The following ZBTB20 variants were observed in gnomAD, a reference collection of about 807,000 sequenced individuals.
The protein encoded by ZBTB20 is zinc finger and BTB domain containing 20.
Under a neutral mutation model 56.9 loss-of-function variants are expected in ZBTB20, and 9 were observed. The observed-to-expected ratio is 0.16, with a 90% CI of 0.10 to 0.28. The LOEUF (loss-of-function observed/expected upper bound fraction) is 0.28. Ranked by LOEUF, ZBTB20 falls within the 10% of genes least tolerant of loss-of-function variation. The pLI, the probability that ZBTB20 is intolerant of heterozygous loss-of-function variation, is 1.00. For synonymous variants in ZBTB20, 417 were observed against 420.7 expected (o/e 0.99, Z 0.11); for missense variants, 655 against 1,003.0 (o/e 0.65, Z 4.69).
chr3:114,410,937 GGAA>G (rs1240930614), intron 7 of ZBTB20, among the ~76,000 whole-genome samples: 1 of 152,036 alleles, frequency 6.6e-6, no homozygotes, highest in Non-Finnish European at 1.5e-5. Context: ...TGGAGGGAAG[GGAA>G]GAAATAAACT....
chr3:114,537,689 A>G (rs1009318305), intron 6 of ZBTB20, among the ~76,000 whole-genome samples: 2 of 152,234 alleles, frequency 1.3e-5, no homozygotes, highest in Non-Finnish European at 2.9e-5. Context: ...ATGCACATGT[A>G]TGTTTATTGC....
intron 6 of ZBTB20, among the ~76,000 whole-genome samples, chr3:114,510,749 A>C (rs551810179): frequency 6.6e-6 from 1 of 152,252 alleles, no homozygotes; most frequent in East Asian, 1.9e-4. Flanking sequence ...TGCAGTGTCC[A>C]TTTGAAGTAG....
chr3:114,530,262 A>G (rs1322561210), intron 6 of ZBTB20, among the ~76,000 whole-genome samples: 1 of 152,192 alleles, frequency 6.6e-6, no homozygotes, highest in Non-Finnish European at 1.5e-5. Flanking sequence ...AAAGGCATAC[A>G]CTTTTGATCT....
At position 114,737,033 on chromosome 3, in the gene ZBTB20, A is replaced by G. The variant is rs996527209; in HGVS notation, c.-342-43458T>C. 2.6e-5 allele frequency among the ~76,000 whole-genome samples: 4 copies of G among 152,296 alleles called. No homozygotes were observed. In the East Asian group the frequency reaches 5.8e-4, roughly 22 times the overall value. On this transcript the variant is annotated intron_variant, in intron 5 of 11. Coordinates refer to ENST00000675478, the MANE Select transcript of ZBTB20 (RefSeq NM_001348800.3). ...GGACACCATCTCTGGGTATACCACT[A>G]TAGATACACTTACCAAATGCTTAGT...
chr3:114,782,045 A>G (rs1315666319), intron 5 of ZBTB20, among the ~76,000 whole-genome samples: 1 of 152,186 alleles, frequency 6.6e-6, no homozygotes, highest in Admixed American at 6.5e-5. Context: ...GAAGAGGCTT[A>G]GCAGGATGCA....
intron 6 of ZBTB20, among the ~76,000 whole-genome samples, chr3:114,538,302 C>A (rs2048716313): frequency 6.6e-6 from 1 of 152,020 alleles, no homozygotes; most frequent in Non-Finnish European, 1.5e-5. Context: ...GCTTTGATTT[C>A]TTCACCCTAA....
intron 6 of ZBTB20, among the ~76,000 whole-genome samples, chr3:114,643,113 AAC>A (rs2059645396): frequency 6.6e-6 from 1 of 152,074 alleles, no homozygotes; most frequent in Admixed American, 6.5e-5. Flanking sequence ...AAATATGCTA[AAC>A]TCTTCACTGT....
chr3:114,477,959 C>T (rs1396348953), intron 7 of ZBTB20, among the ~76,000 whole-genome samples: 4 of 125,804 alleles, frequency 3.2e-5, no homozygotes, highest in African/African-American at 8.8e-5. Flanking sequence ...CCCTCCCACC[C>T]TCCCTCTCTC....
At chr3:115,097,618 G>C (rs1424580271) in intron 1 of ZBTB20, among the ~76,000 whole-genome samples, 1 of 152,170 alleles carries the variant, frequency 6.6e-6, no homozygotes, top group Admixed American at 6.5e-5. Flanking sequence ...TTCCTCATGT[G>C]GGTGTGTTAG....
intron 3 of ZBTB20, among the ~76,000 whole-genome samples, chr3:114,960,748 GTGCTTTGGA>G (rs1436395638): frequency 1.3e-5 from 2 of 152,120 alleles, no homozygotes; most frequent in African/African-American, 4.8e-5. Flanking sequence ...ATCATCAGAA[GTGCTTTGGA>G]TCCAGTCTTA....
At chr3:114,459,421 C>G (rs149496488) in intron 7 of ZBTB20, among the ~76,000 whole-genome samples, 34 of 152,300 alleles carry the variant, frequency 2.2e-4, no homozygotes, top group Non-Finnish European at 3.8e-4. Context: ...ACAGCCCTTT[C>G]CCACCTGTTT....
Position 114,533,028 on chromosome 3 carries a change from T to C in ZBTB20, c.-294-32637A>G, listed in dbSNP as rs1357478721. On this transcript the variant is annotated intron_variant, in intron 6 of 11. Transcript: ENST00000675478. ...CCAAAGGTAGATAAATCCACAAAGA[T>C]GAGGAAAAACCAGCTTAAAAAGGCT... 2.0e-5 allele frequency among the ~76,000 whole-genome samples: 3 copies of C among 152,200 alleles called. No individual in the cohort carries two copies. The East Asian group carries it at 5.8e-4, about 30-fold the overall frequency.
chr3:114,899,978 CTG>C (rs2075042389), intron 4 of ZBTB20, among the ~76,000 whole-genome samples: 1 of 152,070 alleles, frequency 6.6e-6, no homozygotes, highest in African/African-American at 2.4e-5. Flanking sequence ...AATGGCAAAA[CTG>C]TGGTTTTGCA....
At chr3:114,751,766 A>C (rs2067574906) in intron 5 of ZBTB20, among the ~76,000 whole-genome samples, 1 of 152,154 alleles carries the variant, frequency 6.6e-6, no homozygotes, top group African/African-American at 2.4e-5. Context: ...CATTATTTCT[A>C]TCTAGAAACA....
At chr3:114,900,151 T>C (rs969130243) in intron 4 of ZBTB20, among the ~76,000 whole-genome samples, 153 bp downstream of exon 4, 1 of 152,134 alleles carries the variant, frequency 6.6e-6, no homozygotes, top group African/African-American at 2.4e-5. Context: ...ATGTATAAAA[T>C]GTACTATCCT....
intron 10 of ZBTB20, 123 bp from the exon 11 acceptor site, chr3:114,352,001 C>A: frequency 8.0e-7 from 1 of 1,248,348 alleles, no homozygotes; most frequent in Non-Finnish European, 1.1e-6. Flanking sequence ...CTTACATACG[C>A]AAGTGGGGAG....
At chr3:114,512,505 C>A (rs1048188501) in intron 6 of ZBTB20, among the ~76,000 whole-genome samples, 3 of 152,054 alleles carry the variant, frequency 2.0e-5, no homozygotes, top group African/African-American at 7.2e-5. Flanking sequence ...ATAAATATAA[C>A]CACCTGCCAT....
intron 5 of ZBTB20, among the ~76,000 whole-genome samples, chr3:114,699,453 A>G (rs1033123235): frequency 3.3e-5 from 5 of 149,992 alleles, no homozygotes; most frequent in Non-Finnish European, 7.4e-5. Context: ...TTTTTTTTGG[A>G]AAAAAAAAAT....
chr3:115,059,398 T>G (rs2081935615), intron 2 of ZBTB20, among the ~76,000 whole-genome samples: 2 of 152,198 alleles, frequency 1.3e-5, no homozygotes, highest in Admixed American at 6.5e-5. Flanking sequence ...TAGGCCCTAC[T>G]GAAAAAGAAT....
Sources: allele counts gnomAD v4.1 joint callset (sites outside exome capture counted in the v4.1 genomes callset), GRCh38; gene constraint gnomAD v4.1.1; transcripts MANE v1.5; gene names NCBI Gene and HGNC (gene_info 2026-07-23, HGNC 2026-07-21).